Variants in CAPRIN1 observed in about 807,000 individuals in gnomAD.
The protein encoded by CAPRIN1 is caprin-1.
A neutral mutation model predicts 100.9 loss-of-function variants in CAPRIN1; 29 were observed. The observed-to-expected ratio is 0.29, with a 90% confidence interval of 0.21 to 0.39. The LOEUF (loss-of-function observed/expected upper bound fraction) is 0.39, where lower values mean the gene tolerates loss of function less well. Ranked by LOEUF, CAPRIN1 falls within the 10% of genes least tolerant of loss-of-function variation. The pLI is 1.00. For missense variants in CAPRIN1, 795 were observed against 876.7 expected (o/e 0.91, Z 1.18); for synonymous variants, 338 against 307.5 (o/e 1.10, Z -1.04).
At chr11:34,091,236 TAAAGTTCATAGAACAA>T in intron 14 of CAPRIN1, among the ~76,000 whole-genome samples, 1 of 152,232 alleles carries the variant, frequency 6.6e-6, no homozygotes, top group South Asian at 2.1e-4. Flanking sequence ...TCAACCCTGT[TAAAGTTCATAGAACAA>T]ACTTCTGTAA....
chr11:34,087,328 CA>C lies in CAPRIN1; in HGVS notation c.1231+916del, dbSNP rs1242859802. 4.2e-5 allele frequency among the ~76,000 whole-genome samples: 4 copies of C among 94,616 alleles called. 1 individual carries two copies. The highest frequency in any genetic ancestry group is 6.1e-5 in the Non-Finnish European group (3 of 49,466). 62.1% of individuals were successfully genotyped at this position (94,616 alleles called of 152,430 possible). On this transcript the variant is annotated intron_variant, in intron 11 of 18. Transcript: ENST00000341394. ...AAGTAAAGGGAGCTCATATCTCTCACATTTTTTTTTTTTTTTTTTTTTTGAG... is the reference window on the plus strand; with the variant it reads ...AAGTAAAGGGAGCTCATATCTCTCACTTTTTTTTTTTTTTTTTTTTTTGAG...
chr11:34,063,783 C>T lies in CAPRIN1; in HGVS notation c.217-7943C>T, dbSNP rs577115555. ...CAGGTGTGTGTTATCAACATTGTAA[C>T]GTAGTAGGCTTTCTGATGAAGATAG... On this transcript the variant is annotated intron_variant, in intron 2 of 18. Coordinates refer to ENST00000341394, the MANE Select transcript of CAPRIN1 (RefSeq NM_005898.5). Among the ~76,000 whole-genome samples the T allele has an allele frequency of 2.6e-5, 4 of 152,222 alleles. No homozygotes were observed. In the South Asian group the frequency reaches 6.2e-4, roughly 24 times the overall value.
At chr11:34,054,040 C>T (rs1289424825) in intron 2 of CAPRIN1, among the ~76,000 whole-genome samples, 1 of 152,158 alleles carries the variant, frequency 6.6e-6, no homozygotes, top group African/African-American at 2.4e-5. Flanking sequence ...GATATAGTAA[C>T]TGGCTAAAAC....
rs377414079 is a variant in CAPRIN1, at chr11:34,091,923, C to T, written c.1572C>T (p.Ala524=). Residue 524 remains alanine (A), a synonymous_variant, in exon 15 of 19, where the codon GCC becomes GCT. Transcript: ENST00000341394. ...ACTAACAGGTGTTCAATATGAATGC[C>T]CCAGTTCCTCCTGTTAATGAACCAG... ...QSMQTVFNMN[A]PVPPVNEPET... is the part of the protein sequence containing the mutation. 1.5e-5 allele frequency: 24 copies of T among 1,612,888 alleles called. No homozygotes were observed. The South Asian group carries it at 2.0e-4, about 13-fold the overall frequency.
At chr11:34,058,025 G>GT (rs976447213) in intron 2 of CAPRIN1, among the ~76,000 whole-genome samples, 31 of 151,306 alleles carry the variant, frequency 2.0e-4, no homozygotes, top group Middle Eastern at 6.8e-3. Context: ...CGGCCTAAGA[G>GT]TTTTTTTTTA....
rs561139192 is a variant in CAPRIN1 at position 34,099,692 on chromosome 11, A to G, written c.*325A>G. The stretch of plus-strand genomic sequence containing the variant: ...CTCCATAGTTATTTGAAGTGGCTTG[A>G]AAAAGGCAAGATTGACTTTTATGAC... On this transcript the variant is annotated 3_prime_UTR_variant, in exon 19 of 19. Coordinates refer to ENST00000341394, the MANE Select transcript of CAPRIN1 (RefSeq NM_005898.5). 11 of 243,130 alleles carry G rather than the reference A, an allele frequency of 4.5e-5. No homozygotes were observed. The East Asian group carries it at 8.1e-4, about 18-fold the overall frequency. 15.1% of individuals were successfully genotyped at this position (243,130 alleles called of 1,614,324 possible).
intron 4 of CAPRIN1, among the ~76,000 whole-genome samples, chr11:34,073,718 C>G (rs1329640903): frequency 6.6e-6 from 1 of 152,106 alleles, no homozygotes; most frequent in African/African-American, 2.4e-5. Flanking sequence ...AGCCAACGTG[C>G]CTAGCTTCAA....
intron 2 of CAPRIN1, chr11:34,052,952 G>A: frequency 8.3e-7 from 1 of 1,200,158 alleles, no homozygotes; most frequent in Non-Finnish European, 1.0e-6. Context: ...CCTGTCGTCA[G>A]GACTTCACTG....
intron 2 of CAPRIN1, among the ~76,000 whole-genome samples, chr11:34,057,968 A>T (rs1031865838): frequency 1.3e-5 from 2 of 151,550 alleles, no homozygotes; most frequent in African/African-American, 4.9e-5. Flanking sequence ...TGATCCACCC[A>T]CTTCAGCCTC....
At chr11:34,075,605 A>G (rs1307493901) in intron 4 of CAPRIN1, among the ~76,000 whole-genome samples, 1 of 152,236 alleles carries the variant, frequency 6.6e-6, no homozygotes, top group Admixed American at 6.5e-5. Flanking sequence ...ATTATTTGGG[A>G]CAAAGGGGCC....
At chr11:34,094,314 C>T (rs1265885446) in intron 15 of CAPRIN1, among the ~76,000 whole-genome samples, 1 of 152,112 alleles carries the variant, frequency 6.6e-6, no homozygotes, top group Non-Finnish European at 1.5e-5. Context: ...CCTCGGCCTT[C>T]CAAAGTGCTG....
chr11:34,071,842 A>C (rs535203858), intron 3 of CAPRIN1, 54 bp downstream of exon 3: 193 of 1,589,222 alleles, frequency 1.2e-4, no homozygotes, highest in Admixed American at 3.0e-4. Context: ...TTTAAAGACA[A>C]AAATTAATTC....
At chr11:34,061,321 C>T (rs897109320) in intron 2 of CAPRIN1, among the ~76,000 whole-genome samples, 2 of 151,292 alleles carry the variant, frequency 1.3e-5, no homozygotes, top group Non-Finnish European at 2.9e-5. Context: ...ATTCTCCTGC[C>T]TAAGCCTCCC....
chr11:34,060,294 AT>A (rs1850550737), intron 2 of CAPRIN1, among the ~76,000 whole-genome samples: 1 of 151,852 alleles, frequency 6.6e-6, no homozygotes. Context: ...ACCATTGTAC[AT>A]TATTGGAAAT....
intron 14 of CAPRIN1, 57 bp from the exon 15 acceptor site, chr11:34,091,849 A>G (rs1009104544): frequency 3.5e-5 from 52 of 1,502,752 alleles, no homozygotes; most frequent in Admixed American, 2.6e-4. Context: ...GAGTTTGGCC[A>G]TGTTATAAAC....
At chr11:34,094,376 A>G (rs1851324964) in intron 15 of CAPRIN1, among the ~76,000 whole-genome samples, 1 of 152,164 alleles carries the variant, frequency 6.6e-6, no homozygotes, top group Admixed American at 6.5e-5. Context: ...TGAAGAAATC[A>G]TTTCAGTATG....
At chr11:34,098,095 A>G in intron 18 of CAPRIN1, 2 of 1,027,164 alleles carry the variant, frequency 1.9e-6, no homozygotes, top group South Asian at 4.1e-5. Flanking sequence ...TTTGTAAGAC[A>G]TTTTTGGAAT....
At chr11:34,057,624 A>G (rs1326057310) in intron 2 of CAPRIN1, among the ~76,000 whole-genome samples, 1 of 152,214 alleles carries the variant, frequency 6.6e-6, no homozygotes, top group Admixed American at 6.5e-5. Flanking sequence ...TAAAAGTGTT[A>G]ATTTTTGCAA....
At chr11:34,087,195 A>G (rs1851163022) in intron 11 of CAPRIN1, among the ~76,000 whole-genome samples, 1 of 152,244 alleles carries the variant, frequency 6.6e-6, no homozygotes, top group African/African-American at 2.4e-5. Flanking sequence ...GAACTAAATA[A>G]AATAACCTAT....
Sources: allele counts gnomAD v4.1 joint callset (sites outside exome capture counted in the v4.1 genomes callset), GRCh38; gene constraint gnomAD v4.1.1; transcripts MANE v1.5; gene names NCBI Gene and HGNC (gene_info 2026-07-23, HGNC 2026-07-21).